NPEPPS: variants seen among roughly 807,000 people sequenced by gnomAD.
NPEPPS encodes puromycin-sensitive aminopeptidase.
A neutral mutation model predicts 115.5 loss-of-function variants in NPEPPS; 14 were observed. The ratio of observed to expected loss-of-function variants is 0.12; its 90% CI spans 0.08 to 0.19. The LOEUF (loss-of-function observed/expected upper bound fraction) is 0.19. Ranked by LOEUF, NPEPPS falls within the 10% of genes least tolerant of loss-of-function variation. NPEPPS has a pLI of 1.00. For missense variants in NPEPPS, 523 were observed against 1,110.8 expected (o/e 0.47, Z 7.52); for synonymous variants, 285 against 390.6 (o/e 0.73, Z 3.19).
At chr17:47,593,328 AGGAT>A (rs1277139732) in intron 12 of NPEPPS, among the ~76,000 whole-genome samples, 1 of 152,054 alleles carries the variant, frequency 6.6e-6, no homozygotes, top group Non-Finnish European at 1.5e-5. Context: ...TTGGGAGGCC[AGGAT>A]GTGCGGACTG....
At chr17:47,554,311 A>G (rs1281250607) in intron 2 of NPEPPS, among the ~76,000 whole-genome samples, 1 of 152,078 alleles carries the variant, frequency 6.6e-6, no homozygotes. Flanking sequence ...AAGTGTTGGG[A>G]TTACAGGCAT....
intron 2 of NPEPPS, among the ~76,000 whole-genome samples, chr17:47,550,632 T>TATATATATATA (rs1567842162): frequency 1.5e-4 from 6 of 39,150 alleles, no homozygotes; most frequent in Admixed American, 4.1e-4. Flanking sequence ...ATATATATAA[T>TATATATATATA]TTTTTTTTTT....
rs370170213 is a variant in NPEPPS, at chr17:47,599,679, G to A, written c.1540G>A (p.Glu514Lys). The A allele has an allele frequency of 1.5e-4, 236 of 1,559,434 alleles. No individual in the cohort carries two copies. The highest frequency in any genetic ancestry group is 2.0e-4 in the Non-Finnish European group (228 of 1,150,280). The change falls in exon 14 of 23, where the codon GAA becomes AAA. Residue 514 changes from glutamate (E) to lysine (K), a missense_variant. This residue lies in a region of NPEPPS where 372 missense variants were observed against 542.6 expected (regional missense o/e 0.69). Coordinates refer to ENST00000322157, the MANE Select transcript of NPEPPS (RefSeq NM_006310.4). ...PLIYVEAEQV[E>K]DDRLLRLSQK... ...AGCCTTTGTTTTGCTTCTTTAGGTA[G>A]AAGATGACAGATTATTGAGGTTGTC... is the stretch of plus-strand genomic sequence containing the variant.
intron 9 of NPEPPS, among the ~76,000 whole-genome samples, chr17:47,588,436 C>G (rs1428559190): frequency 6.6e-6 from 1 of 151,720 alleles, no homozygotes; most frequent in African/African-American, 2.4e-5. Context: ...TGGTGGTGTG[C>G]GCCTGTAATC....
intron 3 of NPEPPS, among the ~76,000 whole-genome samples, chr17:47,574,730 G>A (rs1324720704): frequency 1.3e-5 from 2 of 152,074 alleles, no homozygotes; most frequent in East Asian, 3.8e-4. Context: ...AGCTAGGACT[G>A]CCTACACATG....
At chr17:47,529,182 A>AT (rs765210320), upstream of NPEPPS, among the ~76,000 whole-genome samples, 4 of 152,186 alleles carry the variant, frequency 2.6e-5, no homozygotes, top group Non-Finnish European at 5.9e-5. Context: ...AAATATGAAG[A>AT]TTATGGATAA....
chr17:47,535,010 C>T (rs550118049), intron 1 of NPEPPS, among the ~76,000 whole-genome samples: 93 of 145,048 alleles, frequency 6.4e-4, no homozygotes, highest in Non-Finnish European at 1.2e-3. Context: ...TCTGGGAGGC[C>T]GAGGCGGGCG....
At chr17:47,601,057 T>C (rs1277665599) in intron 14 of NPEPPS, among the ~76,000 whole-genome samples, 3 of 152,044 alleles carry the variant, frequency 2.0e-5, no homozygotes, top group Non-Finnish European at 4.4e-5. Flanking sequence ...ACCCCATCTC[T>C]ACTAATAAAG....
intron 14 of NPEPPS, 65 bp from the exon 15 acceptor site, chr17:47,601,543 C>T (rs1348110449): frequency 9.5e-6 from 15 of 1,585,722 alleles, no homozygotes; most frequent in South Asian, 8.9e-5. Flanking sequence ...AACACCACCA[C>T]TCCTCTCTCC....
intron 1 of NPEPPS, among the ~76,000 whole-genome samples, chr17:47,535,480 G>A (rs1165129198): frequency 2.0e-5 from 3 of 150,718 alleles, no homozygotes; most frequent in African/African-American, 7.3e-5. Flanking sequence ...GAACCCGGGA[G>A]GCGGAGCTTG....
In NPEPPS at chr17:47,608,760, A is replaced by AG. The variant is rs201998825; in HGVS notation, c.2095+3215dup. Among the ~76,000 whole-genome samples the AG allele has an allele frequency of 7.1e-3, 1,080 of 151,704 alleles. 15 individuals carry two copies. The highest frequency in any genetic ancestry group is 0.023 in the African/African-American group (938 of 41,056). On this transcript the variant is annotated intron_variant, in intron 17 of 22. Transcript: ENST00000322157. ...TGAGGTAGAAGGAGAGCCAGGAGAG[A>AG]GGGGGGGTATCCCAGAATTTAAATA... is the stretch of plus-strand genomic sequence containing the variant.
In NPEPPS at chr17:47,618,336, C is replaced by CT. The variant is rs746236806; in HGVS notation, c.2296-8dup. 7.6e-6 allele frequency: 12 copies of CT among 1,574,054 alleles called. No homozygotes were observed. In the South Asian group the frequency reaches 1.1e-4, roughly 15 times the overall value. On this transcript the variant is annotated splice_polypyrimidine_tract_variant and intron_variant, in intron 19 of 22. Transcript: ENST00000322157. ...GAGAGTTAACTATTCCTATCTTTAT[C>CT]TTTTTTCCTGTAGCTTCATAAACAA...
intron 14 of NPEPPS, among the ~76,000 whole-genome samples, chr17:47,601,070 C>CA (rs1294618498): frequency 2.0e-5 from 3 of 151,768 alleles, no homozygotes; most frequent in Non-Finnish European, 4.4e-5. Context: ...TAATAAAGTA[C>CA]AAAAAAATAT....
At chr17:47,529,737 TTATATATATATATATATA>T (rs56043348), upstream of NPEPPS, among the ~76,000 whole-genome samples, 18 of 25,660 alleles carry the variant, frequency 7.0e-4, 2 homozygotes, top group African/African-American at 1.5e-3. Flanking sequence ...TTCAGTTACA[TTATATATATATATATATA>T]TATATATATA....
intron 4 of NPEPPS, chr17:47,580,269 T>C (rs1911794625): frequency 6.6e-6 from 1 of 152,170 alleles, no homozygotes; most frequent in Non-Finnish European, 1.5e-5. Context: ...AATAATTTTA[T>C]GTTACTTTCT....
At position 47,609,411 on chromosome 17, in the gene NPEPPS, A is replaced by G. The variant is rs138092859; in HGVS notation, c.2096-3049A>G. 2.4e-3 allele frequency among the ~76,000 whole-genome samples: 358 copies of G among 152,312 alleles called. 2 individuals carry two copies. Among genetic ancestry groups the G allele is most frequent in the Non-Finnish European group, 4.1e-3 (282 of 68,030 alleles). On this transcript the variant is annotated intron_variant, in intron 17 of 22. Transcript: ENST00000322157. ...TTACAATATAGGGAGAATGCCTTCA[A>G]TTTCCTAGCTATACAGATGGGAGAA...
In NPEPPS at chr17:47,622,819, G is replaced by C; in HGVS notation, c.*899G>C. On this transcript the variant is annotated 3_prime_UTR_variant, in exon 23 of 23. Coordinates refer to ENST00000322157, the MANE Select transcript of NPEPPS (RefSeq NM_006310.4). ...CAGGCCTTTCTGAAGGAGTTATTCT[G>C]CTAAAAATGGTCTTAGTTGTCTGAA... 1 of 454,136 alleles carries C rather than the reference G, an allele frequency of 2.2e-6. No homozygotes were observed. The highest frequency in any genetic ancestry group is 1.6e-5 in the South Asian group (1 of 63,988). 28.1% of individuals were successfully genotyped at this position (454,136 alleles called of 1,614,324 possible).
chr17:47,527,683 C>G (rs1907491369), upstream of NPEPPS, among the ~76,000 whole-genome samples: 1 of 149,192 alleles, frequency 6.7e-6, no homozygotes, highest in South Asian at 2.1e-4. Flanking sequence ...CATGGTGAAA[C>G]CCAGTCTCTA....
In NPEPPS at chr17:47,570,198, G is replaced by A. The variant is rs373086269; in HGVS notation, c.418+704G>A. On this transcript the variant is annotated intron_variant, in intron 3 of 22. Coordinates refer to ENST00000322157, the MANE Select transcript of NPEPPS (RefSeq NM_006310.4). ...GCGCTTTGGGAGGCCAAGGCGGGCT[G>A]ATCACTTGAAGCCAGGAGTTAGGGA... Among the ~76,000 whole-genome samples, 21 of 152,298 alleles carry A rather than the reference G, an allele frequency of 1.4e-4. No homozygotes were observed. The East Asian group carries it at 2.7e-3, about 20-fold the overall frequency.
Sources: gnomAD v4.1 joint callset for allele counts (sites outside exome capture counted in the v4.1 genomes callset) on GRCh38, gnomAD v4.1.1 for gene constraint, gnomAD v4.1.1 regional missense constraint, MANE v1.5 for transcripts, NCBI Gene and HGNC (gene_info 2026-07-23, HGNC 2026-07-21) for gene names.